Variants in LDLRAD3 observed in about 807,000 individuals in gnomAD.
The protein encoded by LDLRAD3 is low-density lipoprotein receptor class A domain-containing protein 3.
In LDLRAD3, 20 loss-of-function variants were observed where a neutral mutation model predicts 29.4. The ratio of observed to expected loss-of-function variants is 0.68; its 90% CI spans 0.48 to 0.99. The LOEUF (loss-of-function observed/expected upper bound fraction) is 0.99. Ranked by LOEUF, LDLRAD3 falls within the 50% of genes least tolerant of loss-of-function variation. LDLRAD3 has a pLI of 0.00. For synonymous variants in LDLRAD3, 157 were observed against 192.7 expected (o/e 0.81, Z 1.53); for missense variants, 420 against 454.3 (o/e 0.92, Z 0.69).
chr11:36,132,536 A>G (rs899232320), intron 4 of LDLRAD3, among the ~76,000 whole-genome samples: 1 of 152,210 alleles, frequency 6.6e-6, no homozygotes, highest in African/African-American at 2.4e-5. Flanking sequence ...TTTATAGATG[A>G]GAAAACTGGG....
intron 2 of LDLRAD3, among the ~76,000 whole-genome samples, chr11:36,047,125 G>C (rs571566411): frequency 6.6e-6 from 1 of 152,266 alleles, no homozygotes; most frequent in African/African-American, 2.4e-5. Flanking sequence ...TGGGACCTGG[G>C]AGGGCTCCAA....
At chr11:36,070,594 A>G (rs539883041) in intron 2 of LDLRAD3, among the ~76,000 whole-genome samples, 1 of 152,326 alleles carries the variant, frequency 6.6e-6, no homozygotes, top group Non-Finnish European at 1.5e-5. Flanking sequence ...GAAGAAAGGA[A>G]TCATGAGGCC....
At chr11:36,200,296 T>G (rs1163884411) in intron 4 of LDLRAD3, among the ~76,000 whole-genome samples, 2 of 152,102 alleles carry the variant, frequency 1.3e-5, no homozygotes, top group African/African-American at 4.8e-5. Context: ...CCTCCTGGCT[T>G]ATAGACAGCC....
chr11:35,984,484 C>T (rs1177140779), intron 1 of LDLRAD3, among the ~76,000 whole-genome samples: 1 of 152,114 alleles, frequency 6.6e-6, no homozygotes, highest in Non-Finnish European at 1.5e-5. Flanking sequence ...ATCTTTACAT[C>T]AAAGCTAATG....
At chr11:35,982,565 A>C (rs923721673) in intron 1 of LDLRAD3, among the ~76,000 whole-genome samples, 1 of 152,146 alleles carries the variant, frequency 6.6e-6, no homozygotes, top group Non-Finnish European at 1.5e-5. Flanking sequence ...GCTAATTTGC[A>C]CAAAGTAGCC....
At chr11:36,045,002 G>A (rs1248860302) in intron 2 of LDLRAD3, among the ~76,000 whole-genome samples, 3 of 152,226 alleles carry the variant, frequency 2.0e-5, no homozygotes, top group Non-Finnish European at 4.4e-5. Context: ...CTGGCCTGAA[G>A]TCAGCACCAC....
At chr11:36,158,307 C>T (rs963944264) in intron 4 of LDLRAD3, among the ~76,000 whole-genome samples, 13 of 152,212 alleles carry the variant, frequency 8.5e-5, no homozygotes, top group Admixed American at 8.5e-4. Flanking sequence ...CCTTGCTCTT[C>T]CTCAAATGCA....
chr11:35,964,306 A>T (rs375613180), intron 1 of LDLRAD3, among the ~76,000 whole-genome samples: 1 of 152,100 alleles, frequency 6.6e-6, no homozygotes, highest in East Asian at 1.9e-4. Flanking sequence ...GACTGTCATG[A>T]TCGTGATTTG....
chr11:36,174,985 A>AAAAAG (rs1200885848), intron 4 of LDLRAD3, among the ~76,000 whole-genome samples: 3 of 152,222 alleles, frequency 2.0e-5, no homozygotes, highest in African/African-American at 7.2e-5. Context: ...CGTCTCAAAA[A>AAAAAG]AAAAGAAAAG....
chr11:36,149,535 T>G (rs10768196), intron 4 of LDLRAD3, among the ~76,000 whole-genome samples: 2 of 151,874 alleles, frequency 1.3e-5, no homozygotes, highest in Admixed American at 6.6e-5. Flanking sequence ...ACAGCAGTGT[T>G]GTCCAGCTGG....
intron 4 of LDLRAD3, among the ~76,000 whole-genome samples, chr11:36,106,811 C>T (rs1853535800): frequency 6.6e-6 from 1 of 152,264 alleles, no homozygotes; most frequent in Admixed American, 6.5e-5. Flanking sequence ...TTCACTCCCT[C>T]CCTCTGCTGT....
chr11:36,084,798 C>T (rs1254835057), intron 3 of LDLRAD3, among the ~76,000 whole-genome samples: 1 of 152,114 alleles, frequency 6.6e-6, no homozygotes, highest in Non-Finnish European at 1.5e-5. Context: ...CTGAATCTAC[C>T]AGTCAGTCTT....
At chr11:36,148,866 G>C (rs1854234913) in intron 4 of LDLRAD3, among the ~76,000 whole-genome samples, 1 of 152,230 alleles carries the variant, frequency 6.6e-6, no homozygotes, top group African/African-American at 2.4e-5. Context: ...GAAAGGAATT[G>C]AAGTAACATT....
intron 4 of LDLRAD3, among the ~76,000 whole-genome samples, chr11:36,100,804 GAA>G (rs1853435882): frequency 6.6e-6 from 1 of 152,182 alleles, no homozygotes; most frequent in Non-Finnish European, 1.5e-5. Flanking sequence ...GACGTTCAGT[GAA>G]AAGACTCCCA....
intron 1 of LDLRAD3, among the ~76,000 whole-genome samples, chr11:35,988,687 G>A (rs893090552): frequency 6.6e-6 from 1 of 151,886 alleles, no homozygotes; most frequent in African/African-American, 2.4e-5. Flanking sequence ...GGGTTCAAGC[G>A]ATTCTCCTGC....
chr11:36,089,802 G>C (rs1282425227), intron 3 of LDLRAD3, among the ~76,000 whole-genome samples: 2 of 150,402 alleles, frequency 1.3e-5, no homozygotes, highest in South Asian at 2.1e-4. Context: ...TGTAGAGAAG[G>C]GGTCTTGCTA....
At chr11:36,150,586 T>C (rs192778519) in intron 4 of LDLRAD3, among the ~76,000 whole-genome samples, 15 of 150,256 alleles carry the variant, frequency 1.0e-4, no homozygotes, top group African/African-American at 3.4e-4. Flanking sequence ...ACCCCATCTC[T>C]ACTAAAAATA....
rs181277670 is a variant in LDLRAD3 at position 36,061,312 on chromosome 11, T to C, written c.194-20341T>C. Reference sequence around the variant, plus strand: ...TGGCACTACGTCTGGCTAATTTTTGTATTTTTTTAGTAGAGACGGGGTTTC... The same window carrying C: ...TGGCACTACGTCTGGCTAATTTTTGCATTTTTTTAGTAGAGACGGGGTTTC... On this transcript the variant is annotated intron_variant, in intron 2 of 5. Transcript: ENST00000315571. Among the ~76,000 whole-genome samples, 289 of 152,254 alleles carry C rather than the reference T, an allele frequency of 1.9e-3. 1 individual carries two copies. The highest frequency in any genetic ancestry group is 6.5e-3 in the African/African-American group (272 of 41,548).
intron 2 of LDLRAD3, among the ~76,000 whole-genome samples, chr11:36,059,358 G>GA (rs11304561): frequency 3.2e-4 from 44 of 136,590 alleles, no homozygotes; most frequent in African/African-American, 9.1e-4. Flanking sequence ...CCCTGTCTCA[G>GA]AAAAAAAAAA....
Sources: allele counts gnomAD v4.1 joint callset (sites outside exome capture counted in the v4.1 genomes callset), GRCh38; gene constraint gnomAD v4.1.1; transcripts MANE v1.5; gene names NCBI Gene and HGNC (gene_info 2026-07-23, HGNC 2026-07-21).